CBFA2T3: variants seen among roughly 807,000 people sequenced by gnomAD.
CBFA2T3 encodes CBFA2/RUNX1 partner transcriptional co-repressor 3, also known as transcriptional corepressor CBFA2T3.
Under a neutral mutation model 58.6 loss-of-function variants are expected in CBFA2T3, and 31 were observed. The observed-to-expected ratio is 0.53, with a 90% CI of 0.40 to 0.71. The LOEUF (loss-of-function observed/expected upper bound fraction) is 0.71. Among genes scored for constraint, CBFA2T3 ranks in the 30% least tolerant of loss-of-function variants. The pLI, the probability that CBFA2T3 is intolerant of heterozygous loss-of-function variation, is 0.00. For synonymous variants in CBFA2T3, 531 were observed against 421.9 expected (o/e 1.26, Z -3.17); for missense variants, 1,076 against 963.1 (o/e 1.12, Z -1.55).
At chr16:88,922,714 C>T (rs1450459188) in intron 1 of CBFA2T3, among the ~76,000 whole-genome samples, 2 of 152,220 alleles carry the variant, frequency 1.3e-5, no homozygotes, top group Admixed American at 6.5e-5. Context: ...TTGCAGCCGT[C>T]GGAGGGTGGT....
intron 1 of CBFA2T3, among the ~76,000 whole-genome samples, chr16:88,918,041 C>G (rs1970795235): frequency 6.6e-6 from 1 of 152,154 alleles, no homozygotes; most frequent in Non-Finnish European, 1.5e-5. Flanking sequence ...TGGCTTTGCC[C>G]TGGGGCTTCC....
At chr16:88,916,340 G>T (rs761233054) in intron 1 of CBFA2T3, among the ~76,000 whole-genome samples, 9 of 152,022 alleles carry the variant, frequency 5.9e-5, no homozygotes, top group African/African-American at 2.2e-4. Flanking sequence ...TCATGTGTGT[G>T]CATGGGTGTG....
At chr16:88,921,325 G>A (rs1326419543) in intron 1 of CBFA2T3, among the ~76,000 whole-genome samples, 1 of 152,228 alleles carries the variant, frequency 6.6e-6, no homozygotes, top group Non-Finnish European at 1.5e-5. Context: ...GCAGGCAGCA[G>A]AAAGGATGGG....
chr16:88,970,837 A>G (rs1972637175), intron 1 of CBFA2T3, among the ~76,000 whole-genome samples: 1 of 152,192 alleles, frequency 6.6e-6, no homozygotes, highest in Non-Finnish European at 1.5e-5. Flanking sequence ...CGTGCAGCCG[A>G]CGCTGGGGGC....
intron 1 of CBFA2T3, among the ~76,000 whole-genome samples, chr16:88,906,215 G>GA (rs1368603230): frequency 1.3e-5 from 2 of 152,152 alleles, no homozygotes; most frequent in African/African-American, 4.8e-5. Context: ...TCCAGGCTAA[G>GA]ACACCGCTAG....
rs112639645 is a variant in CBFA2T3, at chr16:88,880,705, T to C, written c.1471+15A>G. 1.4e-4 allele frequency: 219 copies of C among 1,556,702 alleles called. No individual in the cohort carries two copies. The African/African-American group carries it at 2.5e-3, about 18-fold the overall frequency. ...CCCACAGCTCTGCTGGCCAGGCCCC[T>C]GCACCCCCACTCACCAGCCTTCCTC... On this transcript the variant is annotated intron_variant, in intron 10 of 11. Transcript: ENST00000268679.
Position 88,885,179 on chromosome 16 carries a change from G to C in CBFA2T3, c.984C>G (p.Ser328Arg). The C allele has an allele frequency of 6.2e-7, 1 of 1,603,872 alleles. No homozygotes were observed. Among genetic ancestry groups the C allele is most frequent in the Non-Finnish European group, 8.5e-7 (1 of 1,174,904 alleles). The part of the protein sequence containing the change: ...PCTLNPAQRY[S>R]PSNGPPQPTP... The stretch of plus-strand genomic sequence containing the variant: ...TGGGCTGCGGTGGCCCGTTGCTGGG[G>C]CTGTAGCGCTGGGCAGGGTTCAGGG... Residue 328 changes from serine to arginine, a missense_variant, in exon 7 of 12, where the codon AGC (serine) becomes AGG (arginine). By Grantham distance (110) the Ser-to-Arg change is moderately radical (BLOSUM62 -1). Coordinates refer to ENST00000268679, the MANE Select transcript of CBFA2T3 (RefSeq NM_005187.6). The surrounding 1 kb of genome is among the most constrained non-coding windows in gnomAD (Gnocchi z 5.3).
intron 1 of CBFA2T3, among the ~76,000 whole-genome samples, chr16:88,932,445 G>A (rs1215819085): frequency 1.3e-5 from 2 of 151,884 alleles, no homozygotes; most frequent in East Asian, 1.9e-4. Flanking sequence ...GACAGCCTGG[G>A]CGATGTAGCA....
chr16:88,926,652 A>T (rs539691287), intron 1 of CBFA2T3, among the ~76,000 whole-genome samples: 14 of 152,222 alleles, frequency 9.2e-5, no homozygotes, highest in Non-Finnish European at 1.5e-4. Flanking sequence ...GCCCGAGGGC[A>T]GGATCTTCCC....
chr16:88,881,278 A>G lies in CBFA2T3; in HGVS notation c.1402+13T>C, dbSNP rs754765577. On this transcript the variant is annotated intron_variant, in intron 9 of 11. Coordinates refer to ENST00000268679, the MANE Select transcript of CBFA2T3 (RefSeq NM_005187.6). ...CCCCGTGTCTGCTCCCTCCCCCCAC[A>G]CCCCACACGCACCTAGCTGAGGCCC... is the stretch of plus-strand genomic sequence containing the variant. The G allele has an allele frequency of 6.3e-7, 1 of 1,590,028 alleles. No individual in the cohort carries two copies. The highest frequency in any genetic ancestry group is 8.5e-7 in the Non-Finnish European group (1 of 1,169,872).
intron 1 of CBFA2T3, among the ~76,000 whole-genome samples, chr16:88,915,881 C>T (rs2142718834): frequency 6.6e-6 from 1 of 152,144 alleles, no homozygotes; most frequent in African/African-American, 2.4e-5. Context: ...TCCCTGCCAC[C>T]TTCCCCTCTC....
chr16:88,874,861 G>A lies in CBFA2T3; in HGVS notation c.*2115C>T, dbSNP rs1170633182. On this transcript the variant is annotated 3_prime_UTR_variant, in exon 12 of 12. Coordinates refer to ENST00000268679, the MANE Select transcript of CBFA2T3 (RefSeq NM_005187.6). Reference sequence around the variant, plus strand: ...TTTCCTACACTTCGCAAACTCCTGCGGTTTCTGTTTTTTATTTGGCAAACA... The same window carrying A: ...TTTCCTACACTTCGCAAACTCCTGCAGTTTCTGTTTTTTATTTGGCAAACA... The A allele has an allele frequency of 2.6e-5, 6 of 228,692 alleles. No individual in the cohort carries two copies. The highest frequency in any genetic ancestry group is 4.4e-5 in the African/African-American group (2 of 44,996). The allele number at this position is 228,692 out of a possible 1,614,324, so 14.2% of individuals were successfully genotyped here.
At chr16:88,971,651 G>A (rs1426811202) in intron 1 of CBFA2T3, among the ~76,000 whole-genome samples, 3 of 152,340 alleles carry the variant, frequency 2.0e-5, no homozygotes, top group Non-Finnish European at 4.4e-5. Flanking sequence ...TGTAACAGTC[G>A]ACCTGAGTGA....
chr16:88,893,308 G>A (rs1019987668), intron 3 of CBFA2T3, among the ~76,000 whole-genome samples: 2 of 135,688 alleles, frequency 1.5e-5, no homozygotes, highest in Admixed American at 1.4e-4. Context: ...TGCCCCCCCC[G>A]ACACACAGGT....
At chr16:88,932,546 C>A (rs1259503133) in intron 1 of CBFA2T3, among the ~76,000 whole-genome samples, 1 of 151,938 alleles carries the variant, frequency 6.6e-6, no homozygotes, top group Non-Finnish European at 1.5e-5. Context: ...ACTCTGTAGG[C>A]TGAAGGGGGA....
chr16:88,897,704 A>G (rs531749709), intron 3 of CBFA2T3, among the ~76,000 whole-genome samples: 1 of 152,330 alleles, frequency 6.6e-6, no homozygotes, highest in African/African-American at 2.4e-5. Flanking sequence ...GACTCCAGGT[A>G]GGTGGGGTCT....
chr16:88,899,270 C>G (rs1362855351), intron 2 of CBFA2T3, among the ~76,000 whole-genome samples: 3 of 152,182 alleles, frequency 2.0e-5, no homozygotes, highest in Non-Finnish European at 4.4e-5. Flanking sequence ...GGGCACCCAC[C>G]ACCCACCAGC....
chr16:88,894,783 GC>G (rs745948361), intron 3 of CBFA2T3, among the ~76,000 whole-genome samples: 41 of 152,250 alleles, frequency 2.7e-4, no homozygotes, highest in Non-Finnish European at 4.6e-4. Flanking sequence ...TTCCTCCGAG[GC>G]CCCAGCCGTG....
intron 1 of CBFA2T3, among the ~76,000 whole-genome samples, chr16:88,907,130 C>T (rs990340578): frequency 6.6e-6 from 1 of 152,222 alleles, no homozygotes; most frequent in Non-Finnish European, 1.5e-5. Flanking sequence ...AACTCTACAT[C>T]AGCTGCAAGG....
Sources: gnomAD v4.1 joint callset for allele counts (sites outside exome capture counted in the v4.1 genomes callset) on GRCh38, gnomAD v4.1.1 for gene constraint, Gnocchi (gnomAD v3.1) non-coding constraint, MANE v1.5 for transcripts, NCBI Gene and HGNC (gene_info 2026-07-23, HGNC 2026-07-21) for gene names.